ZNF274: variants seen among roughly 807,000 people sequenced by gnomAD.
The protein encoded by ZNF274 is neurotrophin receptor-interacting factor homolog.
In ZNF274, 23 loss-of-function variants were observed where a neutral mutation model predicts 42.5. The observed-to-expected ratio is 0.54, with a 90% CI of 0.39 to 0.77. The LOEUF is 0.77. Ranked by LOEUF, ZNF274 falls within the 30% of genes least tolerant of loss-of-function variation. The pLI, the probability that ZNF274 is intolerant of heterozygous loss-of-function variation, is 0.00. For synonymous variants in ZNF274, 292 were observed against 305.4 expected (o/e 0.96, Z 0.46); for missense variants, 679 against 806.5 (o/e 0.84, Z 1.91).
At position 58,211,351 on chromosome 19, in the gene ZNF274, C is replaced by A; in HGVS notation, c.853-209C>A. 1 of 499,134 alleles carries A rather than the reference C, an allele frequency of 2.0e-6. No individual in the cohort carries two copies. Among genetic ancestry groups the A allele is most frequent in the Non-Finnish European group, 3.5e-6 (1 of 289,710 alleles). 30.9% of individuals were successfully genotyped at this position (499,134 alleles called of 1,614,324 possible). A position where few individuals can be genotyped will look rare whatever the true frequency, so the allele number is the denominator to read the frequency against. ...CTTGGAGCTCTTTATGAAGCAAGGG[C>A]TCTGCCTCCCAGCCTGAGACCCAGA... is the stretch of plus-strand genomic sequence containing the variant. On this transcript the variant is annotated intron_variant, in intron 6 of 7. Transcript: ENST00000617501. This position sits in a 1 kb window ranked among gnomAD's most constrained non-coding sequence, Gnocchi z 4.8.
chr19:58,209,989 C>T lies in ZNF274; in HGVS notation c.768C>T (p.Gly256=). 3 of 1,613,420 alleles carry T rather than the reference C, an allele frequency of 1.9e-6. No individual in the cohort carries two copies. The highest frequency in any genetic ancestry group is 2.5e-6 in the Non-Finnish European group (3 of 1,179,724). Residue 256 remains glycine, a synonymous_variant, in exon 6 of 8, where the codon GGC becomes GGT. Transcript: ENST00000617501. Reference sequence around the variant, plus strand: ...TTCCTGCAGGACAACCTGCCGAGGGCACCACCTGCTGCCTCGAGGTCACTG... The same window carrying T: ...TTCCTGCAGGACAACCTGCCGAGGGTACCACCTGCTGCCTCGAGGTCACTG... ...EVLPAGQPAE[G]TTCCLEVTAQ...
chr19:58,194,331 G>T (rs1489593523), intron 4 of ZNF274, among the ~76,000 whole-genome samples: 1 of 151,186 alleles, frequency 6.6e-6, no homozygotes, highest in Non-Finnish European at 1.5e-5. Flanking sequence ...AGGAAATAAG[G>T]GGTTTGTGTT....
At position 58,183,987 on chromosome 19, in the gene ZNF274, G is replaced by A. The variant is rs958100674; in HGVS notation, c.22G>A (p.Ala8Thr). The A allele has an allele frequency of 3.8e-6, 6 of 1,595,096 alleles. No individual in the cohort carries two copies. In the African/African-American group the frequency reaches 6.7e-5, roughly 18 times the overall value. The change falls in exon 2 of 8, where the codon GCC becomes ACC. Residue 8 changes from alanine to threonine, a missense_variant. Physicochemically the swap from Ala to Thr is moderately conservative, Grantham distance 58 (BLOSUM62 0). This residue lies in a region of ZNF274 where 223 missense variants were observed against 216.4 expected (regional missense o/e 1.03). Transcript: ENST00000617501. Reference sequence around the variant, plus strand: ...AACTATGGCCTCCAGGCTTCCGACGGCCTGGTCCTGTGTGAGTAGAGGCTT... The same window carrying A: ...AACTATGGCCTCCAGGCTTCCGACGACCTGGTCCTGTGTGAGTAGAGGCTT... Reference protein sequence around the residue: MASRLPTAWSCEPVTFED... With the variant: MASRLPTTWSCEPVTFED...
chr19:58,185,435 A>G (rs895880599), intron 2 of ZNF274: 5 of 154,720 alleles, frequency 3.2e-5, no homozygotes, highest in Non-Finnish European at 7.2e-5. Flanking sequence ...ACAATAAATA[A>G]ATAAATTAAA....
intron 4 of ZNF274, among the ~76,000 whole-genome samples, chr19:58,204,225 G>C (rs943415349): frequency 6.6e-5 from 10 of 152,220 alleles, no homozygotes; most frequent in Admixed American, 2.6e-4. Flanking sequence ...CCCCATGTAG[G>C]CCCAGGACGT....
intron 4 of ZNF274, among the ~76,000 whole-genome samples, chr19:58,199,640 G>A (rs1247135764): frequency 6.6e-6 from 1 of 152,250 alleles, no homozygotes; most frequent in African/African-American, 2.4e-5. Context: ...TTGAACTCAG[G>A]AGTTGGATGT....
At chr19:58,191,558 A>G (rs1044325270) in intron 4 of ZNF274, among the ~76,000 whole-genome samples, 1 of 152,214 alleles carries the variant, frequency 6.6e-6, no homozygotes, top group Non-Finnish European at 1.5e-5. Context: ...TCCAGGCCAT[A>G]CACTTCTGGA....
At chr19:58,186,839 T>A (rs2075705209) in intron 3 of ZNF274, 108 bp from the exon 4 acceptor site, 14 of 884,076 alleles carry the variant, frequency 1.6e-5, no homozygotes, top group Non-Finnish European at 1.6e-5. Context: ...AGGCCAGAAG[T>A]CATGTGCCTT....
chr19:58,188,605 C>CA (rs1163562490), intron 4 of ZNF274, among the ~76,000 whole-genome samples: 114 of 48,786 alleles, frequency 2.3e-3, no homozygotes, highest in East Asian at 3.8e-3. Flanking sequence ...GACTCCATCT[C>CA]AAAAAAAAAA....
chr19:58,196,106 C>T (rs1170727960), intron 4 of ZNF274, among the ~76,000 whole-genome samples: 1 of 152,140 alleles, frequency 6.6e-6, no homozygotes, highest in Admixed American at 6.5e-5. Flanking sequence ...CACTAATGTC[C>T]CTTCAAGAAC....
chr19:58,185,990 T>C, intron 3 of ZNF274, 152 bp downstream of exon 3: 1 of 545,614 alleles, frequency 1.8e-6, no homozygotes, highest in Non-Finnish European at 2.9e-6. Flanking sequence ...GCCTAGTCCA[T>C]CCCTCCCTGA....
intron 4 of ZNF274, among the ~76,000 whole-genome samples, chr19:58,199,873 T>C (rs1160517485): frequency 6.6e-6 from 1 of 152,246 alleles, no homozygotes; most frequent in African/African-American, 2.4e-5. Flanking sequence ...TGTGGAAGAC[T>C]TGATAAATAG....
chr19:58,204,232 A>AC lies in ZNF274; in HGVS notation c.257-2487dup, dbSNP rs567178501. On this transcript the variant is annotated intron_variant, in intron 4 of 7. Coordinates refer to ENST00000617501, the MANE Select transcript of ZNF274 (RefSeq NM_133502.3). ...CCCCGTTGCCCCATGTAGGCCCAGG[A>AC]CGTGTCCCTGTCAGCGGGGACTAGG... Among the ~76,000 whole-genome samples, 19 of 152,046 alleles carry AC rather than the reference A, an allele frequency of 1.2e-4. No homozygotes were observed. The South Asian group carries it at 4.0e-3, about 32-fold the overall frequency.
intron 4 of ZNF274, among the ~76,000 whole-genome samples, chr19:58,189,811 C>G (rs1325039052): frequency 6.6e-6 from 1 of 152,100 alleles, no homozygotes; most frequent in Admixed American, 6.6e-5. Flanking sequence ...ATGAACCTGT[C>G]ATGCTCTTAA....
chr19:58,187,063 G>T, intron 4 of ZNF274, 21 bp downstream of exon 4: 1 of 1,597,018 alleles, frequency 6.3e-7, no homozygotes, highest in South Asian at 1.1e-5. Context: ...GACATGGGAA[G>T]CCCCCACAGG....
rs751736989 is a variant in ZNF274 at position 58,213,101 on chromosome 19, C to G, written c.1920C>G (p.Thr640=). ...CACACCTTATTGGGCACCAGAGAAC[C>G]CACAATAGGACAAAGCGAAAGAAGA... ...QSSHLIGHQR[T]HNRTKRKKKQ... is the part of the protein sequence containing the mutation. The change falls in exon 8 of 8, where the codon ACC becomes ACG. Residue 640 remains threonine, a synonymous_variant. Transcript: ENST00000617501. 2 of 1,613,916 alleles carry G rather than the reference C, an allele frequency of 1.2e-6. No individual in the cohort carries two copies. Among genetic ancestry groups the G allele is most frequent in the South Asian group, 2.2e-5 (2 of 91,074 alleles).
At chr19:58,205,557 G>A (rs1188653648) in intron 4 of ZNF274, among the ~76,000 whole-genome samples, 2 of 152,182 alleles carry the variant, frequency 1.3e-5, no homozygotes, top group African/African-American at 4.8e-5. Context: ...CTGGTCTCAA[G>A]CTCCTGGCGT....
Position 58,208,223 on chromosome 19 carries a change from A to G in ZNF274, c.739+1021A>G, listed in dbSNP as rs1353629559. On this transcript the variant is annotated intron_variant, in intron 5 of 7. Coordinates refer to ENST00000617501, the MANE Select transcript of ZNF274 (RefSeq NM_133502.3). The surrounding 1 kb of genome is among the most constrained non-coding windows in gnomAD (Gnocchi z 4.5). Reference sequence around the variant, plus strand: ...AATGATTGACTGGTTGATGTTTGTGATTGCAGGAAAGGGGAAGGTATCCTG... The same window carrying G: ...AATGATTGACTGGTTGATGTTTGTGGTTGCAGGAAAGGGGAAGGTATCCTG... 1 of 152,264 alleles carries G rather than the reference A, an allele frequency of 6.6e-6. No homozygotes were observed. The highest frequency in any genetic ancestry group is 1.5e-5 in the Non-Finnish European group (1 of 68,088). The allele number at this position is 152,264 out of a possible 1,614,324, so 9.4% of individuals were successfully genotyped here. A position where few individuals can be genotyped will look rare whatever the true frequency, so the allele number is the denominator to read the frequency against.
At chr19:58,184,066 A>C (rs2075665558) in intron 2 of ZNF274, 68 bp downstream of exon 2, 3 of 1,502,668 alleles carry the variant, frequency 2.0e-6, no homozygotes, top group Admixed American at 3.9e-5. Context: ...TGGTGGTGAG[A>C]TACCACCTTC....
Sources: gnomAD v4.1 joint callset for allele counts (sites outside exome capture counted in the v4.1 genomes callset) on GRCh38, gnomAD v4.1.1 for gene constraint, gnomAD v4.1.1 regional missense constraint, Gnocchi (gnomAD v3.1) non-coding constraint, MANE v1.5 for transcripts, NCBI Gene and HGNC (gene_info 2026-07-23, HGNC 2026-07-21) for gene names.